Variants in FBLN5 observed in about 807,000 individuals in gnomAD.
FBLN5 encodes fibulin-5.
In FBLN5, 24 loss-of-function variants were observed where a neutral mutation model predicts 61.6. That is an observed-to-expected ratio of 0.39 (90% CI 0.28 to 0.55). The LOEUF is 0.55. Among genes scored for constraint, FBLN5 ranks in the 20% least tolerant of loss-of-function variants. The probability of loss-of-function intolerance (pLI) is 0.65; values close to 1 mark genes in which losing one functional copy is unlikely to be tolerated. For missense variants in FBLN5, 470 were observed against 594.1 expected, an observed-to-expected ratio of 0.79 and a Z score of 2.17; for synonymous variants, 213 against 219.8, an observed-to-expected ratio of 0.97 and a Z score of 0.27.
intron 10 of FBLN5, among the ~76,000 whole-genome samples, chr14:91,872,562 C>A (rs962830525): frequency 6.6e-6 from 1 of 152,264 alleles, no homozygotes; most frequent in South Asian, 2.1e-4. Context: ...TCTGAACATC[C>A]CCAAGAGCCA....
chr14:91,930,877 G>A (rs555060544), intron 4 of FBLN5, among the ~76,000 whole-genome samples: 1 of 152,280 alleles, frequency 6.6e-6, no homozygotes, highest in African/African-American at 2.4e-5. Context: ...AGGTAAATGT[G>A]TACTAGGCTC....
chr14:91,924,094 G>A (rs191342495), intron 4 of FBLN5, among the ~76,000 whole-genome samples: 4 of 152,292 alleles, frequency 2.6e-5, no homozygotes, highest in Non-Finnish European at 4.4e-5. Flanking sequence ...TTATTGGAAC[G>A]CTAAGCATGT....
chr14:91,896,074 T>G (rs773221018), intron 4 of FBLN5, among the ~76,000 whole-genome samples: 17 of 152,110 alleles, frequency 1.1e-4, no homozygotes, highest in Non-Finnish European at 2.4e-4. Flanking sequence ...TATCGAGCCA[T>G]ATTCATGGTC....
chr14:91,897,352 T>C (rs961046699), intron 4 of FBLN5, among the ~76,000 whole-genome samples: 3 of 152,148 alleles, frequency 2.0e-5, no homozygotes, highest in Admixed American at 6.5e-5. Context: ...GTGAAGTCTA[T>C]GACAATAAAT....
Position 91,942,016 on chromosome 14 carries a change from A to C in FBLN5, c.72+891T>G, listed in dbSNP as rs896323007. 6.5e-5 allele frequency: 24 copies of C among 369,074 alleles called. No individual in the cohort carries two copies. In the Admixed American group the frequency reaches 8.7e-4, roughly 13 times the overall value. 22.9% of individuals were successfully genotyped at this position (369,074 alleles called of 1,614,324 possible). On this transcript the variant is annotated intron_variant, in intron 2 of 10. Transcript: ENST00000342058. ...ATATGCTTCAAAATTCTTAATATGA[A>C]GAGAGAAAATGCTCCCCTACCTGCC...
At position 91,947,354 on chromosome 14, in the gene FBLN5, G is replaced by C; in HGVS notation, c.-125C>G. 8.9e-7 allele frequency: 1 copy of C among 1,118,228 alleles called. No homozygotes were observed. The highest frequency in any genetic ancestry group is 1.3e-6 in the Non-Finnish European group (1 of 745,120). 69.3% of individuals were successfully genotyped at this position (1,118,228 alleles called of 1,614,324 possible). A position where few individuals can be genotyped will look rare whatever the true frequency, so the allele number is the denominator to read the frequency against. On this transcript the variant is annotated 5_prime_UTR_variant, in exon 1 of 11. Coordinates refer to ENST00000342058, the MANE Select transcript of FBLN5 (RefSeq NM_006329.4). The surrounding 1 kb of genome is among the most constrained non-coding windows in gnomAD (Gnocchi z 4.3). ...GGCTCGCGGGTGTTTTATTCCAGAG[G>C]GGCCGAGCGAGTCGTGGAGAGGACA...
chr14:91,884,630 G>A (rs1889642816), intron 7 of FBLN5, among the ~76,000 whole-genome samples: 2 of 152,180 alleles, frequency 1.3e-5, no homozygotes, highest in African/African-American at 2.4e-5. Flanking sequence ...AGGAAAGCTG[G>A]GACTTGAACC....
chr14:91,943,746 G>A lies in FBLN5; in HGVS notation c.18-785C>T, dbSNP rs1304419058. On this transcript the variant is annotated intron_variant, in intron 1 of 10. Transcript: ENST00000342058. This position sits in a 1 kb window ranked among gnomAD's most constrained non-coding sequence, Gnocchi z 4.0. ...GGAAGTCACTGAACCAGAGCATTGAGTCCACATGTGTGAAAATCCCCCATC... is the reference window on the plus strand; with the variant it reads ...GGAAGTCACTGAACCAGAGCATTGAATCCACATGTGTGAAAATCCCCCATC... Among the ~76,000 whole-genome samples, 2 of 152,192 alleles carry A rather than the reference G, an allele frequency of 1.3e-5. No individual in the cohort carries two copies. Among genetic ancestry groups the A allele is most frequent in the African/African-American group, 4.8e-5 (2 of 41,432 alleles).
At chr14:91,924,986 C>T (rs558952539) in intron 4 of FBLN5, among the ~76,000 whole-genome samples, 1 of 152,274 alleles carries the variant, frequency 6.6e-6, no homozygotes, top group Non-Finnish European at 1.5e-5. Flanking sequence ...CATATAATCT[C>T]CCTCAAATTC....
In FBLN5 at chr14:91,947,336, G is replaced by A; in HGVS notation, c.-107C>T. The A allele has an allele frequency of 7.4e-7, 1 of 1,354,450 alleles. No homozygotes were observed. The highest frequency in any genetic ancestry group is 1.1e-6 in the Non-Finnish European group (1 of 951,460). The allele number at this position is 1,354,450 out of a possible 1,614,324, so 83.9% of individuals were successfully genotyped here. A position where few individuals can be genotyped will look rare whatever the true frequency, so the allele number is the denominator to read the frequency against. Reference sequence around the variant, plus strand: ...CCTCCTCTGGGCCCTCGGGGCTCGCGGGTGTTTTATTCCAGAGGGGCCGAG... The same window carrying A: ...CCTCCTCTGGGCCCTCGGGGCTCGCAGGTGTTTTATTCCAGAGGGGCCGAG... On this transcript the variant is annotated 5_prime_UTR_variant, in exon 1 of 11. Transcript: ENST00000342058. The surrounding 1 kb of genome is among the most constrained non-coding windows in gnomAD (Gnocchi z 4.3).
At chr14:91,932,680 G>T (rs760066582) in intron 4 of FBLN5, among the ~76,000 whole-genome samples, 19 of 152,206 alleles carry the variant, frequency 1.2e-4, no homozygotes, top group Non-Finnish European at 2.4e-4. Context: ...CAAGTCCCTA[G>T]ATCTATGAGC....
chr14:91,911,771 A>C (rs1002808727), intron 4 of FBLN5, among the ~76,000 whole-genome samples: 2 of 143,588 alleles, frequency 1.4e-5, no homozygotes, highest in Admixed American at 1.4e-4. Context: ...AGGGCTAAGG[A>C]GGCCCTCTGG....
Position 91,887,935 on chromosome 14 carries a change from G to A in FBLN5, c.620-623C>T, listed in dbSNP as rs191584567. Among the ~76,000 whole-genome samples the A allele has an allele frequency of 8.5e-5, 13 of 152,176 alleles. No individual in the cohort carries two copies. The East Asian group carries it at 1.9e-3, about 23-fold the overall frequency. ...TGGTGGTGGTTTCATGCGGGTACACGTATGTCAAAATTAATAAAATCATGG... is the reference window on the plus strand; with the variant it reads ...TGGTGGTGGTTTCATGCGGGTACACATATGTCAAAATTAATAAAATCATGG... On this transcript the variant is annotated intron_variant, in intron 6 of 10. Coordinates refer to ENST00000342058, the MANE Select transcript of FBLN5 (RefSeq NM_006329.4).
At chr14:91,942,832 C>T (rs961216486) in intron 2 of FBLN5, 75 bp downstream of exon 2, 13 of 937,114 alleles carry the variant, frequency 1.4e-5, no homozygotes, top group African/African-American at 1.1e-4. Flanking sequence ...CCTAGGGTTC[C>T]GTAGCGCAAG....
At chr14:91,924,398 T>G (rs1306735506) in intron 4 of FBLN5, among the ~76,000 whole-genome samples, 1 of 152,186 alleles carries the variant, frequency 6.6e-6, no homozygotes, top group Non-Finnish European at 1.5e-5. Context: ...AGAAAAATAC[T>G]ATGGTGAGAC....
At position 91,894,961 on chromosome 14, in the gene FBLN5, C is replaced by A. The variant is rs1890160044; in HGVS notation, c.491G>T (p.Gly164Val). The A allele has an allele frequency of 6.2e-7, 1 of 1,614,036 alleles. No homozygotes were observed. The highest frequency in any genetic ancestry group is 8.5e-7 in the Non-Finnish European group (1 of 1,179,956). ...SCTDGYWLLE[G>V]QCLDIDECRY... ...CAGAGAGCTGTTACCTAAGCACTGG[C>A]CTTCCAGAAGCCAATATCCGTCGGT... Residue 164 changes from glycine (G) to valine (V), a missense_variant, in exon 5 of 11, where the codon GGC becomes GTC. By Grantham distance (109) the Gly-to-Val change is moderately radical. Coordinates refer to ENST00000342058, the MANE Select transcript of FBLN5 (RefSeq NM_006329.4).
At chr14:91,877,997 T>A (rs1420019472) in intron 9 of FBLN5, 1 of 489,938 alleles carries the variant, frequency 2.0e-6, no homozygotes, top group Non-Finnish European at 4.0e-6. Context: ...GTAGGCCAAA[T>A]ATGCCACTCC....
At chr14:91,913,095 T>C (rs1014708833) in intron 4 of FBLN5, among the ~76,000 whole-genome samples, 3 of 152,178 alleles carry the variant, frequency 2.0e-5, no homozygotes, top group Admixed American at 1.3e-4. Context: ...CAATCACAAG[T>C]TTTTATCTAC....
chr14:91,942,167 C>T (rs765759583), intron 2 of FBLN5: 16 of 455,922 alleles, frequency 3.5e-5, no homozygotes, highest in Middle Eastern at 3.2e-4. Flanking sequence ...CACAGGGGTC[C>T]ATCTCTCCTG....
Sources: gnomAD v4.1 joint callset for allele counts (sites outside exome capture counted in the v4.1 genomes callset) on GRCh38, gnomAD v4.1.1 for gene constraint, Gnocchi (gnomAD v3.1) non-coding constraint, MANE v1.5 for transcripts, NCBI Gene and HGNC (gene_info 2026-07-23, HGNC 2026-07-21) for gene names.